Variants in CLIP2 observed in about 807,000 individuals in gnomAD.
The protein encoded by CLIP2 is CAP-Gly domain-containing linker protein 2.
Under a neutral mutation model 111.7 loss-of-function variants are expected in CLIP2, and 41 were observed. The observed-to-expected ratio is 0.37, with a 90% CI of 0.29 to 0.48. The LOEUF is 0.48. Ranked by LOEUF, CLIP2 falls within the 20% of genes least tolerant of loss-of-function variation. CLIP2 has a pLI of 0.99. For synonymous variants in CLIP2, 660 were observed against 644.2 expected (o/e 1.02, Z -0.37); for missense variants, 1,160 against 1,422.1 (o/e 0.82, Z 2.96).
At chr7:74,337,077 G>A (rs1266633352) in intron 2 of CLIP2, among the ~76,000 whole-genome samples, 4 of 151,870 alleles carry the variant, frequency 2.6e-5, no homozygotes, top group African/African-American at 7.2e-5. Context: ...TAGTAGAGAC[G>A]GGGTTTCACC....
chr7:74,311,057 G>A (rs1788629156), intron 1 of CLIP2, among the ~76,000 whole-genome samples: 1 of 150,018 alleles, frequency 6.7e-6, no homozygotes. Context: ...TCAGCTCATT[G>A]CAAGCTCTGC....
intron 1 of CLIP2, among the ~76,000 whole-genome samples, chr7:74,312,060 A>G (rs536798865): frequency 3.3e-5 from 5 of 152,252 alleles, no homozygotes; most frequent in African/African-American, 9.6e-5. Flanking sequence ...AGCCTGGCCA[A>G]CATGGTGAAA....
intron 13 of CLIP2, among the ~76,000 whole-genome samples, chr7:74,393,189 C>T (rs185528417): frequency 5.9e-5 from 9 of 151,970 alleles, no homozygotes; most frequent in African/African-American, 1.9e-4. Context: ...GCGCCCATCA[C>T]CATGCCCAGC....
chr7:74,323,450 T>G (rs1789023053), intron 2 of CLIP2, among the ~76,000 whole-genome samples: 1 of 151,214 alleles, frequency 6.6e-6, no homozygotes, highest in Admixed American at 6.6e-5. Flanking sequence ...TTTTTTGAGA[T>G]AGAGTTTTAC....
chr7:74,376,843 C>G lies in CLIP2; in HGVS notation c.2421+21C>G. Reference sequence around the variant, plus strand: ...CCCACGTAGGCGCCTGCCCCTCCTGCTGGGGCGGGAGGGTCGGGCTGGGGA... The same window carrying G: ...CCCACGTAGGCGCCTGCCCCTCCTGGTGGGGCGGGAGGGTCGGGCTGGGGA... On this transcript the variant is annotated intron_variant, in intron 10 of 16. Coordinates refer to ENST00000223398, the MANE Select transcript of CLIP2 (RefSeq NM_003388.5). The surrounding 1 kb of genome is among the most constrained non-coding windows in gnomAD (Gnocchi z 7.1). The G allele has an allele frequency of 1.3e-6, 2 of 1,543,938 alleles. No homozygotes were observed. The highest frequency in any genetic ancestry group is 1.2e-5 in the South Asian group (1 of 80,922).
chr7:74,367,587 A>G (rs1395011805), intron 8 of CLIP2, among the ~76,000 whole-genome samples: 1 of 151,840 alleles, frequency 6.6e-6, no homozygotes, highest in African/African-American at 2.4e-5. Flanking sequence ...TAGCCTCTCA[A>G]AGTTCTGGGA....
chr7:74,300,542 G>A (rs1554726673), intron 1 of CLIP2, among the ~76,000 whole-genome samples: 2 of 149,252 alleles, frequency 1.3e-5, no homozygotes, highest in African/African-American at 5.0e-5. Context: ...TGCAAACTCC[G>A]CCTCCCAGGT....
intron 2 of CLIP2, among the ~76,000 whole-genome samples, chr7:74,335,643 TTTCCTTCCTTCC>T (rs199977061): frequency 6.5e-5 from 9 of 137,854 alleles, no homozygotes; most frequent in East Asian, 2.2e-4. Flanking sequence ...CCTGGCTTAT[TTTCCTTCCTTCC>T]TTCCTTCCTT....
chr7:74,370,601 C>G (rs1790590374), intron 8 of CLIP2, among the ~76,000 whole-genome samples: 1 of 143,388 alleles, frequency 7.0e-6, no homozygotes, highest in Non-Finnish European at 1.5e-5. Context: ...CAACCCTCCC[C>G]CCCACCACCA....
chr7:74,374,036 A>C (rs1190200047), intron 9 of CLIP2, among the ~76,000 whole-genome samples: 17 of 152,056 alleles, frequency 1.1e-4, no homozygotes, highest in Non-Finnish European at 8.8e-5. Flanking sequence ...CAGGCTTACC[A>C]TGCACGCCTG....
At chr7:74,391,685 T>A (rs1164982558) in intron 13 of CLIP2, among the ~76,000 whole-genome samples, 1 of 151,584 alleles carries the variant, frequency 6.6e-6, no homozygotes, top group African/African-American at 2.4e-5. Context: ...CCAGGCATGG[T>A]GGCACACACC....
chr7:74,400,238 A>T (rs994810483), intron 14 of CLIP2, 132 bp from the exon 15 acceptor site: 1 of 690,162 alleles, frequency 1.4e-6, no homozygotes, highest in Non-Finnish European at 2.4e-6. Flanking sequence ...GGCCTGAGGG[A>T]CCTCTGGGTG....
At chr7:74,322,602 T>G (rs370595346) in intron 2 of CLIP2, among the ~76,000 whole-genome samples, 3 of 151,712 alleles carry the variant, frequency 2.0e-5, no homozygotes, top group African/African-American at 7.3e-5. Context: ...GGAGACAGGA[T>G]CTCATTATAT....
chr7:74,322,285 C>T (rs1554730134), intron 2 of CLIP2, among the ~76,000 whole-genome samples: 1 of 151,506 alleles, frequency 6.6e-6, no homozygotes, highest in African/African-American at 2.4e-5. Context: ...GCCACTGTGA[C>T]CGGCCTCCAT....
intron 12 of CLIP2, 93 bp from the exon 13 acceptor site, chr7:74,389,010 A>G: frequency 7.0e-7 from 1 of 1,437,816 alleles, no homozygotes; most frequent in African/African-American, 1.4e-5. Context: ...CCCCTGGGAG[A>G]ATCAGCGCCC....
At chr7:74,375,643 G>A (rs528105302) in intron 9 of CLIP2, among the ~76,000 whole-genome samples, 1 of 150,360 alleles carries the variant, frequency 6.7e-6, no homozygotes, top group Non-Finnish European at 1.5e-5. Flanking sequence ...GAGGAGTGGC[G>A]ACAGTTGGCT....
intron 15 of CLIP2, among the ~76,000 whole-genome samples, chr7:74,401,144 G>C (rs1253366386): frequency 2.0e-5 from 3 of 152,206 alleles, no homozygotes; most frequent in Admixed American, 2.0e-4. Flanking sequence ...TGGTCTGAAG[G>C]GGGAGGTGGC....
chr7:74,300,438 A>T (rs1218559709), intron 1 of CLIP2, among the ~76,000 whole-genome samples: 2 of 150,276 alleles, frequency 1.3e-5, no homozygotes, highest in Non-Finnish European at 2.9e-5. Flanking sequence ...CATGTTGCTG[A>T]AAAAGACATG....
chr7:74,385,737 CTTTTTTTTTTTTTTTT>C (rs869087670), intron 11 of CLIP2, among the ~76,000 whole-genome samples: 1 of 117,724 alleles, frequency 8.5e-6, no homozygotes, highest in Non-Finnish European at 1.8e-5. Context: ...GTCGGGTCTT[CTTTTTTTTTTTTTTTT>C]TTTTTTGAGA....
Sources: gnomAD v4.1 joint callset for allele counts (sites outside exome capture counted in the v4.1 genomes callset) on GRCh38, gnomAD v4.1.1 for gene constraint, Gnocchi (gnomAD v3.1) non-coding constraint, MANE v1.5 for transcripts, NCBI Gene and HGNC (gene_info 2026-07-23, HGNC 2026-07-21) for gene names.